Variants in GAPVD1 observed in about 807,000 individuals in gnomAD.
GAPVD1 encodes GTPase activating protein and VPS9 domains 1, also known as GTPase-activating protein and VPS9 domain-containing protein 1.
Under a neutral mutation model 155.5 loss-of-function variants are expected in GAPVD1, and 35 were observed. The observed-to-expected ratio is 0.23, with a 90% CI of 0.17 to 0.30. The LOEUF is 0.30. Among genes scored for constraint, GAPVD1 ranks in the 10% least tolerant of loss-of-function variants. GAPVD1 has a pLI of 1.00. For synonymous variants in GAPVD1, 636 were observed against 619.7 expected, an observed-to-expected ratio of 1.03 and a Z score of -0.39; for missense variants, 1,429 against 1,775.7, an observed-to-expected ratio of 0.80 and a Z score of 3.51.
intron 2 of GAPVD1, among the ~76,000 whole-genome samples, chr9:125,271,150 G>A (rs950932401): frequency 6.6e-6 from 1 of 151,542 alleles, no homozygotes; most frequent in African/African-American, 2.4e-5. Flanking sequence ...ACCTTTTTTT[G>A]TAAGCCATTT....
intron 2 of GAPVD1, among the ~76,000 whole-genome samples, chr9:125,270,904 G>A (rs1269615948): frequency 3.9e-5 from 6 of 152,150 alleles, no homozygotes; most frequent in African/African-American, 7.2e-5. Context: ...AGCCGAGATC[G>A]TGCCATTGCA....
Position 125,292,136 on chromosome 9 carries a change from C to T in GAPVD1, c.-149-3322C>T, listed in dbSNP as rs115783062. 5.3e-3 allele frequency among the ~76,000 whole-genome samples: 805 copies of T among 151,988 alleles called. 10 individuals are homozygous for T. Among genetic ancestry groups the T allele is most frequent in the African/African-American group, 0.017 (716 of 41,440 alleles). ...CATATAACTACAGCTACTCGGGAGGCGGAGGTGAGAGGATTGCTTGAGTCT... is the reference window on the plus strand; with the variant it reads ...CATATAACTACAGCTACTCGGGAGGTGGAGGTGAGAGGATTGCTTGAGTCT... On this transcript the variant is annotated intron_variant, in intron 2 of 27. Coordinates refer to ENST00000297933, the MANE Select transcript of GAPVD1 (RefSeq NM_001282680.3).
chr9:125,284,667 G>A (rs1236039764), intron 2 of GAPVD1, among the ~76,000 whole-genome samples: 3 of 152,036 alleles, frequency 2.0e-5, no homozygotes, highest in Non-Finnish European at 2.9e-5. Flanking sequence ...GATACATTCT[G>A]AGAAATGTGT....
intron 2 of GAPVD1, among the ~76,000 whole-genome samples, chr9:125,275,978 A>T (rs1353859871): frequency 6.6e-6 from 1 of 152,190 alleles, no homozygotes; most frequent in African/African-American, 2.4e-5. Context: ...GAATGAGTTT[A>T]ATTATTTTTG....
At chr9:125,294,488 AGGC>A (rs1839512206) in intron 2 of GAPVD1, among the ~76,000 whole-genome samples, 1 of 150,552 alleles carries the variant, frequency 6.6e-6, no homozygotes, top group African/African-American at 2.5e-5. Flanking sequence ...CTGGGACTAC[AGGC>A]GCGTGTCACC....
intron 3 of GAPVD1, among the ~76,000 whole-genome samples, chr9:125,297,871 G>A (rs1439804464): frequency 2.6e-5 from 4 of 151,936 alleles, no homozygotes; most frequent in Admixed American, 6.6e-5. Flanking sequence ...TCAGCCTCCC[G>A]AGTAGCTAGG....
Position 125,364,967 on chromosome 9 carries a change from C to T in GAPVD1, c.*2221C>T, listed in dbSNP as rs1230379240. On this transcript the variant is annotated 3_prime_UTR_variant, in exon 28 of 28. Transcript: ENST00000297933. ...CTCTGCAATGGTTGCTAAGTCTATT[C>T]CATGTTAACACTGTGGAAATAAATA... 1 of 152,482 alleles carries T rather than the reference C, an allele frequency of 6.6e-6. No homozygotes were observed. Among genetic ancestry groups the T allele is most frequent in the Non-Finnish European group, 1.5e-5 (1 of 68,030 alleles). The allele number at this position is 152,482 out of a possible 1,614,324, so 9.4% of individuals were successfully genotyped here. A position where few individuals can be genotyped will look rare whatever the true frequency, so the allele number is the denominator to read the frequency against.
intron 2 of GAPVD1, among the ~76,000 whole-genome samples, chr9:125,274,588 C>T (rs558752288): frequency 1.4e-4 from 21 of 151,488 alleles, no homozygotes; most frequent in Non-Finnish European, 2.8e-4. Context: ...CTCAGCCTCC[C>T]GAGTAGCTGG....
chr9:125,302,131 T>C lies in GAPVD1; in HGVS notation c.334T>C (p.Ser112Pro). 3.1e-6 allele frequency: 5 copies of C among 1,614,052 alleles called. No homozygotes were observed. The highest frequency in any genetic ancestry group is 4.2e-6 in the Non-Finnish European group (5 of 1,179,980). The change falls in exon 5 of 28, where the codon TCC becomes CCC. Residue 112 changes from serine (S) to proline (P), a missense_variant. Coordinates refer to ENST00000297933, the MANE Select transcript of GAPVD1 (RefSeq NM_001282680.3). ...GAGGGAAAATCCTCGTCTTATTGCCTCCTCTTTGGTTGCTGGAGAGAAACT... is the reference window on the plus strand; with the variant it reads ...GAGGGAAAATCCTCGTCTTATTGCCCCCTCTTTGGTTGCTGGAGAGAAACT... ...RLRENPRLIA[S>P]SLVAGEKLNQ...
At chr9:125,267,863 TTAAAA>T (rs1325635236) in intron 1 of GAPVD1, among the ~76,000 whole-genome samples, 1 of 152,062 alleles carries the variant, frequency 6.6e-6, no homozygotes, top group Non-Finnish European at 1.5e-5. Flanking sequence ...CTGCTAGAAT[TTAAAA>T]TAAACTTTAT....
rs767643091 is a variant in GAPVD1 at position 125,355,703 on chromosome 9, T to A, written c.3817T>A (p.Phe1273Ile). 6.2e-7 allele frequency: 1 copy of A among 1,613,842 alleles called. No individual in the cohort carries two copies. The highest frequency in any genetic ancestry group is 8.5e-7 in the Non-Finnish European group (1 of 1,179,810). ...TGCTCAGGTAGAAGATTTTCTGCAG[T>A]TTCTTTATGGTGCAATGGCCCAGGA... ...KTAQVEDFLQ[F>I]LYGAMAQDVI... Residue 1273 changes from phenylalanine to isoleucine, a missense_variant, in exon 25 of 28, where the codon TTT (phenylalanine) becomes ATT (isoleucine). Physicochemically the swap from Phe to Ile is conservative, Grantham distance 21. Coordinates refer to ENST00000297933, the MANE Select transcript of GAPVD1 (RefSeq NM_001282680.3).
chr9:125,289,869 T>C (rs1196033274), intron 2 of GAPVD1, among the ~76,000 whole-genome samples: 1 of 152,140 alleles, frequency 6.6e-6, no homozygotes, highest in Non-Finnish European at 1.5e-5. Flanking sequence ...AGATTGAGCC[T>C]TGGGGTAATT....
At chr9:125,287,617 G>T (rs1433833096) in intron 2 of GAPVD1, 1 of 152,198 alleles carries the variant, frequency 6.6e-6, no homozygotes, top group Non-Finnish European at 1.5e-5. Flanking sequence ...AAGCAAGATT[G>T]TGCTTTGAAT....
At chr9:125,263,789 G>T in intron 1 of GAPVD1, 1 of 1,006,426 alleles carries the variant, frequency 9.9e-7, no homozygotes, top group East Asian at 2.4e-5. Context: ...AGACCTTTAG[G>T]CTGAGGCCTG....
At chr9:125,351,488 G>A (rs538909501) in intron 23 of GAPVD1, among the ~76,000 whole-genome samples, 1 of 152,296 alleles carries the variant, frequency 6.6e-6, no homozygotes. Flanking sequence ...GACAAGGCAA[G>A]TCCTTTCTGC....
chr9:125,263,683 A>G (rs1234327818), intron 1 of GAPVD1: 1 of 812,006 alleles, frequency 1.2e-6, no homozygotes. Context: ...ACTAAGTGGC[A>G]CAGCACTCCA....
intron 17 of GAPVD1, 146 bp downstream of exon 17, chr9:125,337,737 A>G (rs1847245659): frequency 4.8e-6 from 4 of 838,844 alleles, no homozygotes; most frequent in Admixed American, 5.8e-5. Context: ...TGGGCCCACA[A>G]CCATAACCGC....
chr9:125,343,698 G>A (rs1338196562), intron 19 of GAPVD1, among the ~76,000 whole-genome samples: 1 of 152,206 alleles, frequency 6.6e-6, no homozygotes, highest in African/African-American at 2.4e-5. Flanking sequence ...CTCATGCCAG[G>A]CACTGTGCTA....
chr9:125,309,580 C>A (rs907407650), intron 8 of GAPVD1, among the ~76,000 whole-genome samples: 1 of 152,182 alleles, frequency 6.6e-6, no homozygotes, highest in Non-Finnish European at 1.5e-5. Context: ...GGTGATCCAC[C>A]TGCCTCGGCC....
Sources: gnomAD v4.1 joint callset for allele counts (sites outside exome capture counted in the v4.1 genomes callset) on GRCh38, gnomAD v4.1.1 for gene constraint, MANE v1.5 for transcripts, NCBI Gene and HGNC (gene_info 2026-07-23, HGNC 2026-07-21) for gene names.